The following CDK19 variants were observed in gnomAD, a reference collection of about 807,000 sequenced individuals.
CDK19 encodes the protein cyclin-dependent kinase 19.
A neutral mutation model predicts 68.3 loss-of-function variants in CDK19; 20 were observed. That is an observed-to-expected ratio of 0.29 (90% CI 0.21 to 0.43). CDK19 has a LOEUF of 0.43. Ranked by LOEUF, CDK19 falls within the 20% of genes least tolerant of loss-of-function variation. The pLI is 1.00. For synonymous variants in CDK19, 221 were observed against 222.8 expected, an observed-to-expected ratio of 0.99 and a Z score of 0.07; for missense variants, 339 against 623.5, an observed-to-expected ratio of 0.54 and a Z score of 4.86.
intron 1 of CDK19, among the ~76,000 whole-genome samples, chr6:110,781,377 A>G (rs571741052): frequency 4.5e-4 from 68 of 152,172 alleles, no homozygotes; most frequent in Non-Finnish European, 8.4e-4. Flanking sequence ...GGACAGCACC[A>G]AGCCAGTCAT....
rs1425167518 is a variant in CDK19 at position 110,613,638 on chromosome 6, G to T, written c.*897C>A. On this transcript the variant is annotated 3_prime_UTR_variant, in exon 13 of 13. Transcript: ENST00000368911. The stretch of plus-strand genomic sequence containing the variant: ...CTTTTCCTTCAAAGGGAAGTAACAC[G>T]TCTTTTGATCAAAATTACTCCTTAC... The T allele has an allele frequency of 6.6e-6, 1 of 152,538 alleles. No homozygotes were observed. Among genetic ancestry groups the T allele is most frequent in the Non-Finnish European group, 1.5e-5 (1 of 68,024 alleles). 9.4% of individuals were successfully genotyped at this position (152,538 alleles called of 1,614,324 possible).
chr6:110,668,662 G>A (rs568567953), intron 3 of CDK19, among the ~76,000 whole-genome samples: 492 of 152,062 alleles, frequency 3.2e-3, no homozygotes, highest in African/African-American at 0.011. Flanking sequence ...GTGAAACCCC[G>A]TCTCTACTAA....
chr6:110,670,673 A>G (rs1414498385), intron 2 of CDK19, 132 bp from the exon 3 acceptor site: 2 of 664,528 alleles, frequency 3.0e-6, no homozygotes, highest in South Asian at 1.7e-5. Context: ...AGAAAAAAAT[A>G]CCACCCAAAA....
At chr6:110,723,317 T>C (rs1255207654) in intron 2 of CDK19, among the ~76,000 whole-genome samples, 1 of 152,148 alleles carries the variant, frequency 6.6e-6, no homozygotes, top group Non-Finnish European at 1.5e-5. Flanking sequence ...GAGTCAAGTG[T>C]GTCAATCTCA....
Position 110,815,305 on chromosome 6 carries a change from T to G in CDK19, c.-169A>C. On this transcript the variant is annotated 5_prime_UTR_variant, in exon 1 of 13. Transcript: ENST00000368911. ...CGGTCCGCCTTCAGCAAGGGACTCC[T>G]CGGCGGCCACAGCAGCCACCTCCTC... The G allele has an allele frequency of 3.0e-6, 2 of 669,768 alleles. No individual in the cohort carries two copies. Among genetic ancestry groups the G allele is most frequent in the Non-Finnish European group, 4.3e-6 (2 of 464,388 alleles). The allele number at this position is 669,768 out of a possible 1,614,324, so 41.5% of individuals were successfully genotyped here.
intron 1 of CDK19, among the ~76,000 whole-genome samples, chr6:110,771,340 A>C (rs982247376): frequency 1.3e-5 from 2 of 152,204 alleles, no homozygotes; most frequent in South Asian, 2.1e-4. Context: ...CACAGGCTCA[A>C]CACCACATGG....
intron 4 of CDK19, chr6:110,643,355 C>T: frequency 2.4e-6 from 1 of 408,360 alleles, no homozygotes; most frequent in Non-Finnish European, 4.7e-6. Context: ...AAAGCTGAGT[C>T]AACTATGGTA....
At chr6:110,716,479 A>T (rs1327607070) in intron 2 of CDK19, among the ~76,000 whole-genome samples, 2 of 152,202 alleles carry the variant, frequency 1.3e-5, no homozygotes, top group African/African-American at 4.8e-5. Flanking sequence ...GTATGATCCC[A>T]GGTGATGCTG....
At chr6:110,695,480 A>C (rs1773397460) in intron 2 of CDK19, among the ~76,000 whole-genome samples, 1 of 152,224 alleles carries the variant, frequency 6.6e-6, no homozygotes, top group African/African-American at 2.4e-5. Flanking sequence ...CAAAGTTAGC[A>C]GAAGAAAACA....
At chr6:110,735,489 C>G (rs1777181739) in intron 2 of CDK19, among the ~76,000 whole-genome samples, 1 of 152,122 alleles carries the variant, frequency 6.6e-6, no homozygotes, top group African/African-American at 2.4e-5. Context: ...CAGATACAAA[C>G]TCTGAGCTAA....
chr6:110,613,253 C>T lies in CDK19; in HGVS notation c.*1282G>A, dbSNP rs2114541187. The T allele has an allele frequency of 6.6e-6, 1 of 152,640 alleles. No homozygotes were observed. The highest frequency in any genetic ancestry group is 1.9e-4 in the East Asian group (1 of 5,176). 9.5% of individuals were successfully genotyped at this position (152,640 alleles called of 1,614,324 possible). A position where few individuals can be genotyped will look rare whatever the true frequency, so the allele number is the denominator to read the frequency against. On this transcript the variant is annotated 3_prime_UTR_variant, in exon 13 of 13. Transcript: ENST00000368911. ...GTCTAGTATAGTCTTATACTATCCG[C>T]CCATAGTTTTTAGGCACAATTATTA...
intron 2 of CDK19, among the ~76,000 whole-genome samples, chr6:110,701,342 A>T (rs1172081739): frequency 1.3e-5 from 2 of 151,222 alleles, no homozygotes; most frequent in Non-Finnish European, 2.9e-5. Flanking sequence ...GGAGATTGAG[A>T]CCATCCTGGC....
intron 2 of CDK19, among the ~76,000 whole-genome samples, chr6:110,713,633 C>T (rs1356021414): frequency 6.6e-6 from 1 of 152,008 alleles, no homozygotes; most frequent in African/African-American, 2.4e-5. Flanking sequence ...TTTCACCAAA[C>T]ATAACGTTTT....
chr6:110,740,955 A>G (rs1777615192), intron 2 of CDK19, among the ~76,000 whole-genome samples: 2 of 152,128 alleles, frequency 1.3e-5, no homozygotes, highest in South Asian at 4.2e-4. Flanking sequence ...AAATTTCACC[A>G]GAGGGGCTCA....
intron 3 of CDK19, among the ~76,000 whole-genome samples, chr6:110,669,537 T>C (rs1047017569): frequency 1.1e-4 from 17 of 152,194 alleles, no homozygotes; most frequent in Non-Finnish European, 2.4e-4. Context: ...TCTCAACAGT[T>C]TGAGAGGCCA....
At chr6:110,650,785 A>G (rs994589987) in intron 4 of CDK19, among the ~76,000 whole-genome samples, 1 of 152,126 alleles carries the variant, frequency 6.6e-6, no homozygotes, top group Admixed American at 6.5e-5. Context: ...ACACAGCAAT[A>G]GTAATTATAA....
chr6:110,692,883 G>A (rs1773132100), intron 2 of CDK19, among the ~76,000 whole-genome samples: 1 of 152,144 alleles, frequency 6.6e-6, no homozygotes, highest in South Asian at 2.1e-4. Flanking sequence ...TGTAATCCCA[G>A]CTACTTGGGA....
At chr6:110,812,453 T>G (rs1261778039) in intron 1 of CDK19, among the ~76,000 whole-genome samples, 2 of 152,190 alleles carry the variant, frequency 1.3e-5, no homozygotes, top group Non-Finnish European at 2.9e-5. Context: ...GGTGAAAAAC[T>G]CAGATGTAAA....
At chr6:110,617,650 T>C (rs1778404174) in intron 12 of CDK19, among the ~76,000 whole-genome samples, 1 of 70,034 alleles carries the variant, frequency 1.4e-5, no homozygotes, top group Non-Finnish European at 2.4e-5. Context: ...AATAAAATTA[T>C]TTATATATAT....
Sources: gnomAD v4.1 joint callset for allele counts (sites outside exome capture counted in the v4.1 genomes callset) on GRCh38, gnomAD v4.1.1 for gene constraint, MANE v1.5 for transcripts, NCBI Gene and HGNC (gene_info 2026-07-23, HGNC 2026-07-21) for gene names.